The following IQSEC1 variants were observed in gnomAD, a reference collection of about 807,000 sequenced individuals.
The protein encoded by IQSEC1 is IQ motif and SEC7 domain-containing protein 1.
IQSEC1 carries 31 observed loss-of-function variants against 91.0 expected under a neutral mutation model. That is an observed-to-expected ratio of 0.34 (90% CI 0.26 to 0.46). IQSEC1 has a LOEUF of 0.46. Among genes scored for constraint, IQSEC1 ranks in the 20% least tolerant of loss-of-function variants. The probability of loss-of-function intolerance (pLI) is 1.00; values close to 1 mark genes in which losing one functional copy is unlikely to be tolerated. For synonymous variants in IQSEC1, 699 were observed against 662.6 expected (o/e 1.05, Z -0.84); for missense variants, 1,388 against 1,575.6 (o/e 0.88, Z 2.02).
chr3:13,261,978 A>G (rs566902099), intron 1 of IQSEC1, among the ~76,000 whole-genome samples: 1 of 152,250 alleles, frequency 6.6e-6, no homozygotes, highest in South Asian at 2.1e-4. Flanking sequence ...CATCTTGGGA[A>G]AATAGGCAGC....
intron 1 of IQSEC1, among the ~76,000 whole-genome samples, chr3:12,977,145 G>C (rs1701219786): frequency 1.3e-5 from 2 of 152,110 alleles, no homozygotes; most frequent in Admixed American, 1.3e-4. Context: ...TCAGGAGTTA[G>C]AGACTAGCCT....
intron 1 of IQSEC1, among the ~76,000 whole-genome samples, chr3:13,200,050 G>GCACACA (rs973021736): frequency 8.3e-6 from 1 of 119,886 alleles, no homozygotes; most frequent in Admixed American, 8.4e-5. Context: ...CACTACACAC[G>GCACACA]CACACACACC....
At chr3:13,233,609 T>C (rs900647610) in intron 1 of IQSEC1, among the ~76,000 whole-genome samples, 3 of 152,172 alleles carry the variant, frequency 2.0e-5, no homozygotes, top group Non-Finnish European at 4.4e-5. Flanking sequence ...CAGCTCGACA[T>C]AACCCCACTC....
At chr3:13,034,929 G>T (rs190677518) in intron 1 of IQSEC1, among the ~76,000 whole-genome samples, 1 of 152,196 alleles carries the variant, frequency 6.6e-6, no homozygotes, top group Non-Finnish European at 1.5e-5. Context: ...GATCGGCCTC[G>T]CCCCGACAGG....
At chr3:13,170,452 G>A (rs1576280848) in intron 1 of IQSEC1, among the ~76,000 whole-genome samples, 2 of 152,360 alleles carry the variant, frequency 1.3e-5, no homozygotes, top group South Asian at 2.1e-4. Context: ...GCTGTGAGAA[G>A]AAGGCCACCG....
chr3:13,215,585 G>A (rs1694528877), intron 1 of IQSEC1, among the ~76,000 whole-genome samples: 1 of 152,208 alleles, frequency 6.6e-6, no homozygotes, highest in Admixed American at 6.5e-5. Flanking sequence ...TCCTGGGGCC[G>A]AGGGAGGCAA....
chr3:13,156,445 T>C (rs996631346), intron 2 of IQSEC1, among the ~76,000 whole-genome samples: 4 of 152,146 alleles, frequency 2.6e-5, no homozygotes, highest in African/African-American at 9.7e-5. Flanking sequence ...GTATTGGAAG[T>C]CCTAGATAGG....
chr3:12,952,693 C>T (rs1486597794), intron 1 of IQSEC1, among the ~76,000 whole-genome samples: 1 of 152,192 alleles, frequency 6.6e-6, no homozygotes. Flanking sequence ...CTGGCTGTTC[C>T]TCTCCGCTCT....
At chr3:13,028,630 A>G (rs1228928524) in intron 1 of IQSEC1, among the ~76,000 whole-genome samples, 1 of 152,208 alleles carries the variant, frequency 6.6e-6, no homozygotes, top group African/African-American at 2.4e-5. Flanking sequence ...CACATTAGCA[A>G]TCAGTCAAAG....
At chr3:13,238,879 T>C (rs1369377045) in intron 1 of IQSEC1, among the ~76,000 whole-genome samples, 1 of 152,162 alleles carries the variant, frequency 6.6e-6, no homozygotes, top group Admixed American at 6.5e-5. Flanking sequence ...TCCCTCTGAG[T>C]GGCCCCACAT....
chr3:12,964,826 G>C (rs943731480), intron 1 of IQSEC1, among the ~76,000 whole-genome samples: 2 of 151,934 alleles, frequency 1.3e-5, no homozygotes, highest in Non-Finnish European at 2.9e-5. Context: ...TGCACACACA[G>C]ATGCACACAC....
At chr3:13,250,580 C>T (rs909549758) in intron 1 of IQSEC1, among the ~76,000 whole-genome samples, 12 of 151,080 alleles carry the variant, frequency 7.9e-5, no homozygotes, top group African/African-American at 2.9e-4. Flanking sequence ...ATTACAGGCG[C>T]CCGCCTCCAC....
chr3:13,277,106 T>TTA (rs1695698221), intron 1 of IQSEC1, among the ~76,000 whole-genome samples: 1 of 35,972 alleles, frequency 2.8e-5, no homozygotes, highest in African/African-American at 1.3e-4. Context: ...TGCTCCTCCT[T>TTA]AAAAAAAAAA....
chr3:13,061,183 A>G (rs943626436), intron 1 of IQSEC1, among the ~76,000 whole-genome samples: 1 of 151,992 alleles, frequency 6.6e-6, no homozygotes, highest in South Asian at 2.1e-4. Flanking sequence ...GCTGGGAATG[A>G]CCCATATTAT....
rs1361612622 is a variant in IQSEC1 at position 13,145,809 on chromosome 3, G to T, written c.302+18295C>A. Among the ~76,000 whole-genome samples, 52 of 135,502 alleles carry T rather than the reference G, an allele frequency of 3.8e-4. 1 individual carries two copies. In the East Asian group the frequency reaches 0.01, roughly 27 times the overall value. The allele number at this position is 135,502 out of a possible 152,430, so 88.9% of individuals were successfully genotyped here. A position where few individuals can be genotyped will look rare whatever the true frequency, so the allele number is the denominator to read the frequency against. On this transcript the variant is annotated intron_variant, in intron 2 of 15. Coordinates refer to the IQSEC1 transcript ENST00000648114. ...TGAACCTGGGCGCCCGGGGGCGGGG[G>T]GGGGGGGTCCTGATCATTGGGAACA...
chr3:13,183,609 T>C (rs893302370), intron 1 of IQSEC1, among the ~76,000 whole-genome samples: 1 of 152,102 alleles, frequency 6.6e-6, no homozygotes, highest in Non-Finnish European at 1.5e-5. Flanking sequence ...AAAAATCAAT[T>C]AGGCTAAATT....
chr3:12,920,631 C>A (rs770705669), intron 5 of IQSEC1, 35 bp from the exon 6 acceptor site: 6 of 1,608,030 alleles, frequency 3.7e-6, no homozygotes, highest in African/African-American at 2.7e-5. Flanking sequence ...AGGGCCATGG[C>A]GCAGCAAGTG....
At chr3:12,978,846 T>C (rs1397107297) in intron 1 of IQSEC1, among the ~76,000 whole-genome samples, 1 of 152,198 alleles carries the variant, frequency 6.6e-6, no homozygotes, top group Admixed American at 6.5e-5. Context: ...GAAGGCTTCC[T>C]GTAGGAGGTG....
intron 1 of IQSEC1, among the ~76,000 whole-genome samples, chr3:13,051,479 G>A (rs549636875): frequency 6.6e-6 from 1 of 152,294 alleles, no homozygotes; most frequent in African/African-American, 2.4e-5. Flanking sequence ...GCAGGGGCAG[G>A]GGCAGGGATC....
Sources: allele counts gnomAD v4.1 joint callset (sites outside exome capture counted in the v4.1 genomes callset), GRCh38; gene constraint gnomAD v4.1.1; transcripts MANE v1.5; gene names NCBI Gene and HGNC (gene_info 2026-07-23, HGNC 2026-07-21).